TMEM119: variants seen among roughly 807,000 people sequenced by gnomAD.
TMEM119 encodes the protein osteoblast induction factor.
For synonymous variants in TMEM119, 182 were observed against 176.4 expected (o/e 1.03, Z -0.25); for missense variants, 410 against 381.0 (o/e 1.08, Z -0.63).
At chr12:108,593,915 G>A (rs193006027) in intron 1 of TMEM119, among the ~76,000 whole-genome samples, 5 of 152,358 alleles carry the variant, frequency 3.3e-5, no homozygotes, top group African/African-American at 7.2e-5. Flanking sequence ...CTCAGGTCCC[G>A]GAAGCGGGCT....
Position 108,591,559 on chromosome 12 carries a change from A to C in TMEM119, c.825T>G (p.Ala275=). ...AGACACTGGGGTGGACACTGCTGCA[A>C]GCACAGGGGCTTTCGGGGGGACCCA... ...GPVGPPESPC[A]CSSVHPSV is the part of the protein sequence containing the mutation. Residue 275 remains alanine, a synonymous_variant, in exon 2 of 2, where the codon GCT becomes GCG. Transcript: ENST00000392806. This position sits in a 1 kb window ranked among gnomAD's most constrained non-coding sequence, Gnocchi z 4.2. 1 of 1,610,726 alleles carries C rather than the reference A, an allele frequency of 6.2e-7. No individual in the cohort carries two copies.
chr12:108,597,342 G>A (rs1190927152), intron 1 of TMEM119, among the ~76,000 whole-genome samples: 2 of 152,078 alleles, frequency 1.3e-5, no homozygotes, highest in African/African-American at 4.8e-5. Context: ...TTGTGGGGGA[G>A]GGGTGTTCTG....
At chr12:108,595,554 A>C (rs991364405) in intron 1 of TMEM119, among the ~76,000 whole-genome samples, 5 of 151,382 alleles carry the variant, frequency 3.3e-5, no homozygotes, top group African/African-American at 4.9e-5. Context: ...CACATGCCCC[A>C]CACACACCCC....
In TMEM119 at chr12:108,595,680, A is replaced by G. The variant is rs532458878; in HGVS notation, c.-15+2290T>C. 1.1e-4 allele frequency among the ~76,000 whole-genome samples: 17 copies of G among 150,982 alleles called. No homozygotes were observed. The Middle Eastern group carries it at 0.01, about 91-fold the overall frequency. On this transcript the variant is annotated intron_variant, in intron 1 of 1. Transcript: ENST00000392806. The stretch of plus-strand genomic sequence containing the variant: ...ATACACCACACACACTCACCTACAC[A>G]ACCACACACACATGCACACACCACA...
intron 1 of TMEM119, among the ~76,000 whole-genome samples, chr12:108,596,247 G>A (rs756627831): frequency 1.9e-4 from 29 of 152,086 alleles, no homozygotes; most frequent in Non-Finnish European, 3.8e-4. Flanking sequence ...CACCATCGCC[G>A]GATGGGAACA....
rs1254292831 is a variant in TMEM119, at chr12:108,591,568, G to A, written c.816C>T (p.Ser272=). ...GGTGGACACTGCTGCAAGCACAGGG[G>A]CTTTCGGGGGGACCCACTGGTCCCT... is the stretch of plus-strand genomic sequence containing the variant. ...EAQGPVGPPE[S]PCACSSVHPS... The change falls in exon 2 of 2, where the codon AGC becomes AGT. Residue 272 remains serine, a synonymous_variant. Transcript: ENST00000392806. This position sits in a 1 kb window ranked among gnomAD's most constrained non-coding sequence, Gnocchi z 4.2. The A allele has an allele frequency of 6.2e-7, 1 of 1,612,002 alleles. No individual in the cohort carries two copies.
chr12:108,591,457 C>G lies in TMEM119; in HGVS notation c.*75G>C, dbSNP rs1436788856. The G allele has an allele frequency of 6.7e-7, 1 of 1,485,140 alleles. No homozygotes were observed. Among genetic ancestry groups the G allele is most frequent in the African/African-American group, 1.4e-5 (1 of 71,346 alleles). The allele number at this position is 1,485,140 out of a possible 1,614,324, so 92.0% of individuals were successfully genotyped here. ...AGGGAGTGTCAGGAAGCAGTCAGGG[C>G]TGAAGGCCTTTTCATACACGGGGAG... On this transcript the variant is annotated 3_prime_UTR_variant, in exon 2 of 2. Coordinates refer to ENST00000392806, the MANE Select transcript of TMEM119 (RefSeq NM_181724.3). This position sits in a 1 kb window ranked among gnomAD's most constrained non-coding sequence, Gnocchi z 4.2.
At chr12:108,596,158 G>T (rs577650727) in intron 1 of TMEM119, among the ~76,000 whole-genome samples, 49 of 152,184 alleles carry the variant, frequency 3.2e-4, no homozygotes, top group African/African-American at 1.1e-3. Flanking sequence ...GGAAAGATAG[G>T]GTCTGGGGTA....
In TMEM119 at chr12:108,591,878, G is replaced by A. The variant is rs1342279100; in HGVS notation, c.506C>T (p.Ser169Phe). 1.2e-6 allele frequency: 2 copies of A among 1,610,408 alleles called. No homozygotes were observed. The highest frequency in any genetic ancestry group is 1.7e-5 in the Admixed American group (1 of 59,828). ...CAAGATGTCGGCCTGGAGCTGCCGG[G>A]AGGAATCCAGGGCTTCCTCGGGCCT... ...DSRPEEALDS[S>F]RQLQADILAA... Residue 169 changes from serine to phenylalanine, a missense_variant, in exon 2 of 2, where the codon TCC (serine) becomes TTC (phenylalanine). Coordinates refer to ENST00000392806, the MANE Select transcript of TMEM119 (RefSeq NM_181724.3). The surrounding 1 kb of genome is among the most constrained non-coding windows in gnomAD (Gnocchi z 4.2).
chr12:108,591,359 G>T lies in TMEM119; in HGVS notation c.*173C>A. 2 of 740,842 alleles carry T rather than the reference G, an allele frequency of 2.7e-6. No homozygotes were observed. Among genetic ancestry groups the T allele is most frequent in the Non-Finnish European group, 4.2e-6 (2 of 475,380 alleles). 45.9% of individuals were successfully genotyped at this position (740,842 alleles called of 1,614,324 possible). A position where few individuals can be genotyped will look rare whatever the true frequency, so the allele number is the denominator to read the frequency against. On this transcript the variant is annotated 3_prime_UTR_variant, in exon 2 of 2. Transcript: ENST00000392806. This position sits in a 1 kb window ranked among gnomAD's most constrained non-coding sequence, Gnocchi z 4.2. The stretch of plus-strand genomic sequence containing the variant: ...TGGCACTTGGTAAGATTCCTCCGGG[G>T]CACCGGGGACCAGCATTTCTGCCTG...
chr12:108,590,226 A>G lies in TMEM119; in HGVS notation c.*1306T>C, dbSNP rs1467261845. Reference sequence around the variant, plus strand: ...ACCTGATCCCAGCAGCAGTAGCGGGATGAGAAACTCACCCCCAGGCCGGGG... The same window carrying G: ...ACCTGATCCCAGCAGCAGTAGCGGGGTGAGAAACTCACCCCCAGGCCGGGG... On this transcript the variant is annotated 3_prime_UTR_variant, in exon 2 of 2. Transcript: ENST00000392806. The G allele has an allele frequency of 1.3e-5, 2 of 152,102 alleles. No homozygotes were observed. Among genetic ancestry groups the G allele is most frequent in the Non-Finnish European group, 2.9e-5 (2 of 68,040 alleles). 9.4% of individuals were successfully genotyped at this position (152,102 alleles called of 1,614,324 possible).
At position 108,592,266 on chromosome 12, in the gene TMEM119, C is replaced by A. The variant is rs754106611; in HGVS notation, c.118G>T (p.Gly40Cys). The A allele has an allele frequency of 6.2e-7, 1 of 1,608,892 alleles. No homozygotes were observed. Among genetic ancestry groups the A allele is most frequent in the East Asian group, 2.2e-5 (1 of 44,622 alleles). The change falls in exon 2 of 2, where the codon GGT (glycine) becomes TGT (cysteine). Residue 40 changes from glycine (G) to cysteine (C), a missense_variant. Physicochemically the swap from Gly to Cys is radical, Grantham distance 159 (BLOSUM62 -3). Transcript: ENST00000392806. This position sits in a 1 kb window ranked among gnomAD's most constrained non-coding sequence, Gnocchi z 4.3. ...LKATFLEDVA[G>C]SGEAEGSSAS... is the part of the protein sequence containing the mutation. ...GACGAGCCCTCGGCCTCCCCACTAC[C>A]CGCCACATCCTCCAGGAACGTGGCC...
chr12:108,596,877 G>T (rs1372777556), intron 1 of TMEM119, among the ~76,000 whole-genome samples: 1 of 152,258 alleles, frequency 6.6e-6, no homozygotes, highest in Non-Finnish European at 1.5e-5. Flanking sequence ...CACACAGAAA[G>T]TCAGGGGTGA....
rs2031434653 is a variant in TMEM119 at position 108,592,651 on chromosome 12, G to A, written c.-14-254C>T. 6.6e-6 allele frequency among the ~76,000 whole-genome samples: 1 copy of A among 152,034 alleles called. No homozygotes were observed. The highest frequency in any genetic ancestry group is 6.5e-5 in the Admixed American group (1 of 15,272). On this transcript the variant is annotated intron_variant, in intron 1 of 1. Coordinates refer to ENST00000392806, the MANE Select transcript of TMEM119 (RefSeq NM_181724.3). This position sits in a 1 kb window ranked among gnomAD's most constrained non-coding sequence, Gnocchi z 4.3. ...TCCTCAGGGTTTGGCCCCATATCTG[G>A]TATTCAGTAAGTGCTCAATAAATGT...
At chr12:108,595,166 T>C (rs2031482605) in intron 1 of TMEM119, among the ~76,000 whole-genome samples, 1 of 151,922 alleles carries the variant, frequency 6.6e-6, no homozygotes, top group Non-Finnish European at 1.5e-5. Context: ...CCCAGGAGTT[T>C]ACACGCACAT....
chr12:108,592,512 TC>T lies in TMEM119; in HGVS notation c.-14-116del, dbSNP rs1375821262. Reference sequence around the variant, plus strand: ...GGAGCATGAAACACCTTCTAGCAAGTCCCTTCCATTCCCAGGGCCTGAGCCC... The same window carrying T: ...GGAGCATGAAACACCTTCTAGCAAGTCCTTCCATTCCCAGGGCCTGAGCCC... On this transcript the variant is annotated intron_variant, in intron 1 of 1. Coordinates refer to ENST00000392806, the MANE Select transcript of TMEM119 (RefSeq NM_181724.3). The surrounding 1 kb of genome is among the most constrained non-coding windows in gnomAD (Gnocchi z 4.3). 4.3e-6 allele frequency: 5 copies of T among 1,158,394 alleles called. No individual in the cohort carries two copies. Among genetic ancestry groups the T allele is most frequent in the Non-Finnish European group, 5.9e-6 (5 of 845,740 alleles). The allele number at this position is 1,158,394 out of a possible 1,614,324, so 71.8% of individuals were successfully genotyped here.
intron 1 of TMEM119, chr12:108,594,558 A>AAAAAAAAAAAAAAG (rs1555210337): frequency 2.6e-5 from 4 of 151,260 alleles, no homozygotes; most frequent in East Asian, 1.9e-4. Context: ...GTCAAAAAAA[A>AAAAAAAAAAAAAAG]AAAGAAAGAA....
chr12:108,594,761 C>T (rs1038498863), intron 1 of TMEM119, among the ~76,000 whole-genome samples: 2 of 151,856 alleles, frequency 1.3e-5, no homozygotes, highest in Non-Finnish European at 2.9e-5. Context: ...TAAGACCCCA[C>T]CTCTACAAAA....
chr12:108,595,360 TAC>T (rs141084096), intron 1 of TMEM119, among the ~76,000 whole-genome samples: 1 of 143,470 alleles, frequency 7.0e-6, no homozygotes, highest in Non-Finnish European at 1.5e-5. Context: ...TACACAATCA[TAC>T]ACACATGCAC....
Sources: gnomAD v4.1 joint callset for allele counts (sites outside exome capture counted in the v4.1 genomes callset) on GRCh38, gnomAD v4.1.1 for gene constraint, Gnocchi (gnomAD v3.1) non-coding constraint, MANE v1.5 for transcripts, NCBI Gene and HGNC (gene_info 2026-07-23, HGNC 2026-07-21) for gene names.